Variants in LARGE1 observed in about 807,000 individuals in gnomAD.
LARGE1 encodes the protein xylosyl- and glucuronyltransferase LARGE1.
Under a neutral mutation model 87.6 loss-of-function variants are expected in LARGE1, and 43 were observed. That is an observed-to-expected ratio of 0.49 (90% CI 0.38 to 0.63). The LOEUF (loss-of-function observed/expected upper bound fraction) is 0.63, where lower values mean the gene tolerates loss of function less well. Among genes scored for constraint, LARGE1 ranks in the 30% least tolerant of loss-of-function variants. The pLI is 0.00. For missense variants in LARGE1, 802 were observed against 1,000.2 expected (o/e 0.80, Z 2.67); for synonymous variants, 434 against 394.6 (o/e 1.10, Z -1.18).
chr22:33,579,418 C>G (rs1444144879), intron 5 of LARGE1, among the ~76,000 whole-genome samples: 1 of 152,146 alleles, frequency 6.6e-6, no homozygotes, highest in African/African-American at 2.4e-5. Context: ...TTGGGTATAT[C>G]TTTATCAGCA....
chr22:33,291,244 T>G (rs1439155117), intron 12 of LARGE1, among the ~76,000 whole-genome samples: 1 of 152,066 alleles, frequency 6.6e-6, no homozygotes, highest in Non-Finnish European at 1.5e-5. Context: ...CCTAACTCCT[T>G]CACAGTGAGT....
At chr22:33,720,954 G>A (rs1453542405) in intron 2 of LARGE1, among the ~76,000 whole-genome samples, 1 of 152,206 alleles carries the variant, frequency 6.6e-6, no homozygotes, top group Non-Finnish European at 1.5e-5. Flanking sequence ...CCTGCTTTGG[G>A]TGGGTAATTT....
Position 33,181,651 on chromosome 22 carries a change from C to T in LARGE1, c.1731-14819G>A, listed in dbSNP as rs112240495. On this transcript the variant is annotated intron_variant, in intron 11 of 11. Transcript: ENST00000608642. ...TCATGCCATTCTCCTGCCTCAGCCT[C>T]CTGAGTAGCTGGGATTACAAGCGCC... 7.3e-3 allele frequency among the ~76,000 whole-genome samples: 1,105 copies of T among 151,620 alleles called. 12 individuals are homozygous for T. Among genetic ancestry groups the T allele is most frequent in the African/African-American group, 0.026 (1,054 of 41,330 alleles).
At chr22:33,294,217 T>C (rs1279633027) in intron 12 of LARGE1, among the ~76,000 whole-genome samples, 1 of 152,230 alleles carries the variant, frequency 6.6e-6, no homozygotes, top group African/African-American at 2.4e-5. Context: ...AATAAATGGC[T>C]GAGGCCAATG....
the LARGE1 span, among the ~76,000 whole-genome samples, chr22:33,086,861 T>C: frequency 1.4e-4 from 21 of 152,310 alleles, no homozygotes; most frequent in African/African-American, 5.1e-4. Context: ...CCACTTTTTG[T>C]AAAATATCAT....
intron 7 of LARGE1, among the ~76,000 whole-genome samples, chr22:33,392,266 T>C (rs1304863198): frequency 2.6e-5 from 4 of 152,116 alleles, no homozygotes; most frequent in South Asian, 4.1e-4. Context: ...AATATCAATA[T>C]GATTCTTGAA....
intron 11 of LARGE1, among the ~76,000 whole-genome samples, chr22:33,183,620 GCACA>G (rs56262703): frequency 0.091 from 12,590 of 137,740 alleles, 692 homozygotes; most frequent in Non-Finnish European, 0.12. Context: ...ACACACACAC[GCACA>G]CACACACACA....
chr22:33,590,430 A>G (rs1273014868), intron 5 of LARGE1, among the ~76,000 whole-genome samples: 1 of 152,222 alleles, frequency 6.6e-6, no homozygotes, highest in African/African-American at 2.4e-5. Flanking sequence ...AAAATCTTAC[A>G]TCATCACAAT....
chr22:33,818,726 A>T (rs1465371490), intron 1 of LARGE1, among the ~76,000 whole-genome samples: 14 of 152,186 alleles, frequency 9.2e-5, no homozygotes, highest in Admixed American at 7.2e-4. Flanking sequence ...AACAATGAAA[A>T]CAAAGCAGAT....
At chr22:33,268,196 C>A (rs1055576010), downstream of LARGE1, among the ~76,000 whole-genome samples, 1 of 151,292 alleles carries the variant, frequency 6.6e-6, no homozygotes, top group Admixed American at 6.6e-5. Flanking sequence ...TCAAGTGATT[C>A]GCCTGCCTCA....
chr22:33,906,748 T>C (rs1569026310), intron 1 of LARGE1, among the ~76,000 whole-genome samples: 1 of 152,122 alleles, frequency 6.6e-6, no homozygotes. Context: ...TCAGGGCCTC[T>C]GCAAATTTTC....
intron 9 of LARGE1, among the ~76,000 whole-genome samples, chr22:33,350,738 G>A (rs553084419): frequency 4.9e-4 from 74 of 152,232 alleles, no homozygotes; most frequent in South Asian, 2.7e-3. Context: ...TGTCTGCCCC[G>A]CATCACCGCC....
intron 1 of LARGE1, among the ~76,000 whole-genome samples, chr22:33,785,115 GTGTATATGCATATATGTGTATACATACA>G (rs2145930522): frequency 1.7e-5 from 1 of 60,106 alleles, no homozygotes; most frequent in East Asian, 4.8e-4. Flanking sequence ...ACATACATAT[GTGTATATGCATATATGTGTATACATACA>G]TATGTGTATA....
chr22:33,083,288 G>T, the LARGE1 span, among the ~76,000 whole-genome samples: 1 of 152,132 alleles, frequency 6.6e-6, no homozygotes, highest in Non-Finnish European at 1.5e-5. Flanking sequence ...GTATGCATTT[G>T]CCTTCCTTGA....
chr22:33,788,376 C>G (rs1347827181), intron 1 of LARGE1, among the ~76,000 whole-genome samples: 2 of 152,116 alleles, frequency 1.3e-5, no homozygotes, highest in Non-Finnish European at 2.9e-5. Flanking sequence ...TTGGGTGTAT[C>G]TTTATTAGCA....
At chr22:33,446,891 G>A (rs1227472747) in intron 6 of LARGE1, among the ~76,000 whole-genome samples, 2 of 152,096 alleles carry the variant, frequency 1.3e-5, no homozygotes, top group Non-Finnish European at 2.9e-5. Context: ...AGAATTGTGG[G>A]TTTTGTTTGT....
chr22:33,367,939 G>A (rs1370661854), intron 9 of LARGE1, among the ~76,000 whole-genome samples: 1 of 152,134 alleles, frequency 6.6e-6, no homozygotes, highest in African/African-American at 2.4e-5. Context: ...CATGAGTAAT[G>A]TAAAAGTATG....
At chr22:33,139,946 T>C in the LARGE1 span, among the ~76,000 whole-genome samples, 1 of 152,150 alleles carries the variant, frequency 6.6e-6, no homozygotes, top group Non-Finnish European at 1.5e-5. Flanking sequence ...TCTTTTGGAG[T>C]GACACTCTTG....
chr22:33,409,367 T>A (rs1430899682), intron 7 of LARGE1, among the ~76,000 whole-genome samples: 4 of 152,096 alleles, frequency 2.6e-5, no homozygotes, highest in Admixed American at 2.6e-4. Flanking sequence ...GTATAGCAGG[T>A]CAGGATCCAG....
Sources: gnomAD v4.1 joint callset for allele counts (sites outside exome capture counted in the v4.1 genomes callset) on GRCh38, gnomAD v4.1.1 for gene constraint, MANE v1.5 for transcripts, NCBI Gene and HGNC (gene_info 2026-07-23, HGNC 2026-07-21) for gene names.